The following DENND5A variants were observed in gnomAD, a reference collection of about 807,000 sequenced individuals.
DENND5A encodes DENN domain-containing protein 5A.
In DENND5A, 64 loss-of-function variants were observed where a neutral mutation model predicts 140.3. The ratio of observed to expected loss-of-function variants is 0.46; its 90% CI spans 0.37 to 0.56. DENND5A has a LOEUF of 0.56. DENND5A is among the 20% of genes least tolerant of loss of function. The pLI is 0.00. For missense variants in DENND5A, 1,292 were observed against 1,593.8 expected (o/e 0.81, Z 3.22); for synonymous variants, 605 against 607.7 (o/e 1.00, Z 0.07).
At chr11:9,140,125 G>A in intron 22 of DENND5A, 5 of 1,431,446 alleles carry the variant, frequency 3.5e-6, no homozygotes, top group Non-Finnish European at 4.6e-6. Context: ...CCCCACCACT[G>A]GTGTCTCCCA....
chr11:9,159,471 C>T (rs558681181), intron 12 of DENND5A, among the ~76,000 whole-genome samples: 1 of 152,128 alleles, frequency 6.6e-6, no homozygotes, highest in East Asian at 1.9e-4. Context: ...CAGGCATGCA[C>T]CACCACCTGG....
rs781117137 is a variant in DENND5A at position 9,150,134 on chromosome 11, T to C, written c.2682A>G (p.Lys894=). ...GCTTCAGGTGTCTGGAAAGTAACTT[T>C]TTTTCCATGGACAGTCGCACCCATG... ...ARAWVRLSME[K]KLLSRHLKQL... is the part of the protein sequence containing the mutation. The change falls in exon 15 of 23, where the codon AAA becomes AAG. Residue 894 remains lysine (K), a synonymous_variant. Coordinates refer to ENST00000328194, the MANE Select transcript of DENND5A (RefSeq NM_015213.4). The C allele has an allele frequency of 3.1e-6, 5 of 1,614,008 alleles. No individual in the cohort carries two copies. Among genetic ancestry groups the C allele is most frequent in the Non-Finnish European group, 4.2e-6 (5 of 1,179,918 alleles).
chr11:9,202,657 A>G (rs1849561019), intron 4 of DENND5A, among the ~76,000 whole-genome samples: 1 of 152,212 alleles, frequency 6.6e-6, no homozygotes, highest in African/African-American at 2.4e-5. Context: ...ACAAGATTCT[A>G]TACCATCTGG....
At chr11:9,153,097 G>A (rs1235354741) in intron 12 of DENND5A, among the ~76,000 whole-genome samples, 8 of 150,174 alleles carry the variant, frequency 5.3e-5, no homozygotes, top group Non-Finnish European at 1.0e-4. Context: ...CAAGGCGGGC[G>A]GATCACTTGA....
chr11:9,224,941 C>T (rs1034514720), intron 1 of DENND5A, among the ~76,000 whole-genome samples: 6 of 151,580 alleles, frequency 4.0e-5, no homozygotes, highest in Non-Finnish European at 8.8e-5. Context: ...TCTGTGAGTG[C>T]TAGGGTCAGA....
In DENND5A at chr11:9,149,161, T is replaced by A. The variant is rs75459124; in HGVS notation, c.2735+920A>T. 2.9e-3 allele frequency among the ~76,000 whole-genome samples: 440 copies of A among 152,286 alleles called. 3 individuals are homozygous for A. The highest frequency in any genetic ancestry group is 0.01 in the African/African-American group (417 of 41,554). The stretch of plus-strand genomic sequence containing the variant: ...GGAATTTAGAATTCAGTGGGTCCCA[T>A]GAATACACAGCCCCCATGAATATAC... On this transcript the variant is annotated intron_variant, in intron 15 of 22. Transcript: ENST00000328194.
chr11:9,147,006 A>C (rs1276476543), intron 16 of DENND5A, 24 bp downstream of exon 16: 1 of 1,613,926 alleles, frequency 6.2e-7, no homozygotes, highest in East Asian at 2.2e-5. Context: ...TGAGAAGGCC[A>C]GCTGGGAGCA....
At chr11:9,225,095 G>A (rs935841461) in intron 1 of DENND5A, among the ~76,000 whole-genome samples, 1 of 152,028 alleles carries the variant, frequency 6.6e-6, no homozygotes, top group Non-Finnish European at 1.5e-5. Context: ...ATTTAAAACA[G>A]GACTATCCAC....
intron 1 of DENND5A, among the ~76,000 whole-genome samples, chr11:9,232,240 C>T (rs989475825): frequency 6.6e-6 from 1 of 151,950 alleles, no homozygotes; most frequent in Non-Finnish European, 1.5e-5. Context: ...ATAAATTGTA[C>T]ATTACAATTT....
At position 9,144,273 on chromosome 11, in the gene DENND5A, G is replaced by A. The variant is rs765922255; in HGVS notation, c.3128C>T (p.Pro1043Leu). Residue 1043 changes from proline to leucine, a missense_variant, in exon 19 of 23, where the codon CCG becomes CTG. Pro to Leu is a moderately conservative substitution (Grantham distance 98, BLOSUM62 -3). Transcript: ENST00000328194. ...GCCCTTCCCTAACCACCGGCCACAC[G>A]GGAACCTGAAGATCAGACAATGGAC... is the stretch of plus-strand genomic sequence containing the variant. The part of the protein sequence containing the change: ...NEITGHTYKF[P>L]CGRWLGKGMD... 1.1e-5 allele frequency: 17 copies of A among 1,613,722 alleles called. No individual in the cohort carries two copies. The highest frequency in any genetic ancestry group is 4.0e-5 in the African/African-American group (3 of 74,908).
Position 9,141,992 on chromosome 11 carries a change from G to A in DENND5A, c.3628C>T (p.Arg1210Trp), listed in dbSNP as rs1175411729. ...RFVTAINNTP[R>W]NIGKDGKFQM... is the part of the protein sequence containing the mutation. The stretch of plus-strand genomic sequence containing the variant: ...AACTTGCCATCCTTGCCGATGTTCC[G>A]GGGAGTATTGTTGATTGCAGTGACA... Residue 1210 changes from arginine (R) to tryptophan (W), a missense_variant, in exon 22 of 23, where the codon CGG becomes TGG. This residue lies in a region of DENND5A where 498 missense variants were observed against 689.7 expected (regional missense o/e 0.72). Transcript: ENST00000328194. 6 of 1,606,006 alleles carry A rather than the reference G, an allele frequency of 3.7e-6. No individual in the cohort carries two copies. Among genetic ancestry groups the A allele is most frequent in the Non-Finnish European group, 1.7e-6 (2 of 1,176,656 alleles).
At chr11:9,206,622 T>G (rs1265988085) in intron 3 of DENND5A, 51 bp downstream of exon 3, 8 of 1,325,234 alleles carry the variant, frequency 6.0e-6, no homozygotes, top group Non-Finnish European at 8.7e-6. Flanking sequence ...CACAATCCTA[T>G]TATAAATTAC....
chr11:9,197,931 T>C (rs1423022275), intron 4 of DENND5A, among the ~76,000 whole-genome samples: 1 of 152,198 alleles, frequency 6.6e-6, no homozygotes, highest in African/African-American at 2.4e-5. Flanking sequence ...TAAAATATCA[T>C]TGGAGATTTC....
At chr11:9,144,306 G>T (rs1259286203) in intron 18 of DENND5A, 28 bp from the exon 19 acceptor site, 3 of 1,611,150 alleles carry the variant, frequency 1.9e-6, no homozygotes, top group Non-Finnish European at 2.5e-6. Context: ...GACTGTCAGA[G>T]CAGCCAGCTC....
At chr11:9,221,645 C>T (rs966444510) in intron 1 of DENND5A, among the ~76,000 whole-genome samples, 5 of 152,012 alleles carry the variant, frequency 3.3e-5, no homozygotes, top group African/African-American at 4.8e-5. Context: ...GGATTACAGG[C>T]GTGAGCCACC....
At chr11:9,189,834 A>G (rs1006484658) in intron 5 of DENND5A, among the ~76,000 whole-genome samples, 3 of 152,044 alleles carry the variant, frequency 2.0e-5, no homozygotes, top group African/African-American at 7.2e-5. Flanking sequence ...GAGATGGCGT[A>G]TCTCCACGTT....
intron 5 of DENND5A, among the ~76,000 whole-genome samples, chr11:9,186,761 G>T (rs567934734): frequency 1.3e-5 from 2 of 152,288 alleles, no homozygotes; most frequent in African/African-American, 4.8e-5. Flanking sequence ...GCAAAAATTG[G>T]TTGAAGTTAA....
At chr11:9,164,396 A>G (rs370948941) in intron 11 of DENND5A, among the ~76,000 whole-genome samples, 1 of 151,718 alleles carries the variant, frequency 6.6e-6, no homozygotes, top group Non-Finnish European at 1.5e-5. Context: ...AAGAGACAGC[A>G]TATTTTATTC....
At chr11:9,259,049 T>C (rs1852075175) in intron 1 of DENND5A, among the ~76,000 whole-genome samples, 1 of 151,894 alleles carries the variant, frequency 6.6e-6, no homozygotes, top group East Asian at 1.9e-4. Context: ...TCAACTGAGG[T>C]CAGGAGTTCA....
Sources: gnomAD v4.1 joint callset for allele counts (sites outside exome capture counted in the v4.1 genomes callset) on GRCh38, gnomAD v4.1.1 for gene constraint, gnomAD v4.1.1 regional missense constraint, MANE v1.5 for transcripts, NCBI Gene and HGNC (gene_info 2026-07-23, HGNC 2026-07-21) for gene names.